The following PLEKHG7 variants were observed in gnomAD, a reference collection of about 807,000 sequenced individuals.
PLEKHG7 encodes pleckstrin homology and RhoGEF domain containing G7, also known as pleckstrin homology domain-containing family G member 7.
Under a neutral mutation model 85.2 loss-of-function variants are expected in PLEKHG7, and 77 were observed. The ratio of observed to expected loss-of-function variants is 0.90; its 90% CI spans 0.75 to 1.09. PLEKHG7 has a LOEUF of 1.09. Ranked by LOEUF, PLEKHG7 falls within the 50% of genes least tolerant of loss-of-function variation. The probability of loss-of-function intolerance (pLI) is 0.00; values close to 1 mark genes in which losing one functional copy is unlikely to be tolerated. For synonymous variants in PLEKHG7, 301 were observed against 302.4 expected, an observed-to-expected ratio of 1.00 and a Z score of 0.05; for missense variants, 777 against 804.3, an observed-to-expected ratio of 0.97 and a Z score of 0.41.
Position 92,761,801 on chromosome 12 carries a change from C to A in PLEKHG7, c.1686C>A (p.Leu562=). The part of the protein sequence containing the change: ...DVYLFLFNDF[L]LVTKTKCNKK... ...ATCTGTTTCTCTTCAATGATTTCCT[C>A]TTAGTTACGAAAACTAAGTGCAACA... is the stretch of plus-strand genomic sequence containing the variant. The change falls in exon 14 of 17, where the codon CTC becomes CTA. Residue 562 remains leucine, a synonymous_variant. Coordinates refer to ENST00000344636, the MANE Select transcript of PLEKHG7 (RefSeq NM_001377329.1). 1 of 1,577,558 alleles carries A rather than the reference C, an allele frequency of 6.3e-7. No individual in the cohort carries two copies. Among genetic ancestry groups the A allele is most frequent in the Non-Finnish European group, 8.6e-7 (1 of 1,167,524 alleles).
chr12:92,707,294 G>A, intron 2 of PLEKHG7, 156 bp downstream of exon 2: 1 of 1,432,600 alleles, frequency 7.0e-7, no homozygotes, highest in East Asian at 2.5e-5. Context: ...GGAAGCATTG[G>A]CTCTTAAGTG....
At chr12:92,724,142 A>G (rs540220983) in intron 3 of PLEKHG7, among the ~76,000 whole-genome samples, 1 of 152,174 alleles carries the variant, frequency 6.6e-6, no homozygotes, top group African/African-American at 2.4e-5. Context: ...CGGAGCACTC[A>G]GCATTTTATG....
chr12:92,745,627 T>A (rs567571587), intron 10 of PLEKHG7, 36 bp downstream of exon 10: 1 of 1,467,870 alleles, frequency 6.8e-7, no homozygotes, highest in Non-Finnish European at 9.5e-7. Context: ...GTATTTTTGC[T>A]GATGCTTTTT....
intron 1 of PLEKHG7, among the ~76,000 whole-genome samples, chr12:92,704,723 CCTGTTAGTTTCATTTGG>C (rs549037178): frequency 6.6e-6 from 1 of 152,298 alleles, no homozygotes; most frequent in African/African-American, 2.4e-5. Context: ...AAATCCAGTA[CCTGTTAGTTTCATTTGG>C]CATTTTAAAA....
chr12:92,712,980 T>C (rs1271810535), intron 3 of PLEKHG7, among the ~76,000 whole-genome samples: 5 of 152,190 alleles, frequency 3.3e-5, no homozygotes, highest in African/African-American at 9.7e-5. Flanking sequence ...CCCCAAAATG[T>C]CTGATCATTT....
At chr12:92,752,336 T>C (rs1429592020) in intron 10 of PLEKHG7, among the ~76,000 whole-genome samples, 2 of 151,960 alleles carry the variant, frequency 1.3e-5, no homozygotes, top group Non-Finnish European at 1.5e-5. Flanking sequence ...GAAACTAACA[T>C]AGGAAACCAA....
chr12:92,733,880 A>T (rs1872062348), intron 5 of PLEKHG7, among the ~76,000 whole-genome samples: 1 of 152,222 alleles, frequency 6.6e-6, no homozygotes, highest in Admixed American at 6.5e-5. Flanking sequence ...TGGGACAGAT[A>T]TCTAAGATGC....
At position 92,720,048 on chromosome 12, in the gene PLEKHG7, G is replaced by T. The variant is rs893799940; in HGVS notation, c.531-8945G>T. 2.6e-5 allele frequency among the ~76,000 whole-genome samples: 4 copies of T among 152,168 alleles called. No homozygotes were observed. In the East Asian group the frequency reaches 5.8e-4, roughly 22 times the overall value. ...GTTGGGTGCCCTTGCCACTCAATAG[G>T]ACTGCCCCATATTCGTTTCCTGTGG... On this transcript the variant is annotated intron_variant, in intron 3 of 16. Transcript: ENST00000344636.
rs145699643 is a variant in PLEKHG7, at chr12:92,764,121, G to T, written c.1797G>T (p.Ser599=). Residue 599 remains serine (S), a synonymous_variant, in exon 15 of 17, where the codon TCG becomes TCT. Coordinates refer to ENST00000344636, the MANE Select transcript of PLEKHG7 (RefSeq NM_001377329.1). ...AAGCAGTAATAAAAGAGGGTGGTTC[G>T]TGTACAGTACTCGATCAGCCTATTC... ...ELQAVIKEGG[S]CTVLDQPIPL... is the part of the protein sequence containing the mutation. 1.2e-6 allele frequency: 2 copies of T among 1,612,450 alleles called. No homozygotes were observed. Among genetic ancestry groups the T allele is most frequent in the East Asian group, 2.2e-5 (1 of 44,744 alleles).
intron 10 of PLEKHG7, among the ~76,000 whole-genome samples, chr12:92,746,975 T>C (rs561362618): frequency 3.9e-5 from 6 of 152,272 alleles, no homozygotes; most frequent in Admixed American, 2.6e-4. Flanking sequence ...TCTACACAAA[T>C]ATTTTAGGGC....
intron 5 of PLEKHG7, among the ~76,000 whole-genome samples, chr12:92,735,059 G>A (rs1040696018): frequency 6.6e-6 from 1 of 152,182 alleles, no homozygotes. Context: ...TGGCCAGGAG[G>A]CTGGTCAAAC....
At chr12:92,718,899 C>T (rs1487536341) in intron 3 of PLEKHG7, among the ~76,000 whole-genome samples, 2 of 152,216 alleles carry the variant, frequency 1.3e-5, no homozygotes, top group Non-Finnish European at 2.9e-5. Flanking sequence ...CATGGCATTT[C>T]TCACACATGA....
In PLEKHG7 at chr12:92,733,336, G is replaced by A. The variant is rs76439128; in HGVS notation, c.699+1063G>A. On this transcript the variant is annotated intron_variant, in intron 5 of 16. Transcript: ENST00000344636. ...CACAGACGCTCAGTCAATCTTGGCC[G>A]TATCACTAGTAGTAGTATCTTTAAT... Among the ~76,000 whole-genome samples the A allele has an allele frequency of 3.9e-5, 6 of 152,272 alleles. No homozygotes were observed. In the East Asian group the frequency reaches 5.8e-4, roughly 15 times the overall value.
At chr12:92,758,568 C>G (rs1328242219) in intron 13 of PLEKHG7, among the ~76,000 whole-genome samples, 4 of 152,204 alleles carry the variant, frequency 2.6e-5, no homozygotes, top group African/African-American at 9.7e-5. Flanking sequence ...AAGTGACTGT[C>G]ATAGATGTAT....
At chr12:92,726,212 G>A (rs1013449387) in intron 3 of PLEKHG7, among the ~76,000 whole-genome samples, 3 of 152,190 alleles carry the variant, frequency 2.0e-5, no homozygotes, top group Non-Finnish European at 4.4e-5. Context: ...TAGGACTTGA[G>A]CAGCAGCTAG....
intron 9 of PLEKHG7, 118 bp from the exon 10 acceptor site, chr12:92,745,360 C>T (rs890726156): frequency 1.6e-4 from 105 of 654,622 alleles, no homozygotes; most frequent in Admixed American, 1.2e-3. Context: ...TTGATCATGG[C>T]GACTCCTCCA....
At chr12:92,749,762 T>C (rs1872633069) in intron 10 of PLEKHG7, 1 of 152,024 alleles carries the variant, frequency 6.6e-6, no homozygotes, top group Non-Finnish European at 1.5e-5. Flanking sequence ...TTACTGATAA[T>C]TTTTAGAAAG....
intron 3 of PLEKHG7, among the ~76,000 whole-genome samples, chr12:92,715,398 C>T (rs1871454101): frequency 6.6e-6 from 1 of 152,166 alleles, no homozygotes; most frequent in Non-Finnish European, 1.5e-5. Context: ...AGGATCAATA[C>T]TTTGCATCCT....
At chr12:92,766,771 A>G (rs969854717) in intron 15 of PLEKHG7, among the ~76,000 whole-genome samples, 2 of 152,206 alleles carry the variant, frequency 1.3e-5, no homozygotes, top group Non-Finnish European at 2.9e-5. Context: ...CAGAGGTTGC[A>G]GTGAGCCAAG....
Sources: gnomAD v4.1 joint callset for allele counts (sites outside exome capture counted in the v4.1 genomes callset) on GRCh38, gnomAD v4.1.1 for gene constraint, MANE v1.5 for transcripts, NCBI Gene and HGNC (gene_info 2026-07-23, HGNC 2026-07-21) for gene names.